SMAD5: variants seen among roughly 807,000 people sequenced by gnomAD.
SMAD5 encodes MAD, mothers against decapentaplegic homolog 5.
In SMAD5, 9 loss-of-function variants were observed where a neutral mutation model predicts 43.1. The observed-to-expected ratio is 0.21, with a 90% CI of 0.13 to 0.36. The LOEUF is 0.36. SMAD5 is among the 10% of genes least tolerant of loss of function. The pLI is 1.00. For synonymous variants in SMAD5, 190 were observed against 192.4 expected (o/e 0.99, Z 0.10); for missense variants, 348 against 574.0 (o/e 0.61, Z 4.02).
At chr5:136,144,049 G>T (rs939645603) in intron 1 of SMAD5, among the ~76,000 whole-genome samples, 33 of 151,968 alleles carry the variant, frequency 2.2e-4, no homozygotes, top group African/African-American at 8.0e-4. Context: ...AGCAGATAAT[G>T]GGTTCATTAT....
chr5:136,181,986 C>T lies in SMAD5; in HGVS notation c.*4506C>T, dbSNP rs946709393. On this transcript the variant is annotated 3_prime_UTR_variant, in exon 8 of 8. Transcript: ENST00000545279. ...GATCCAGTCCTAGAGCAGGATTCTT[C>T]GATCATTCATGGCAGAGTGAAAAAG... The T allele has an allele frequency of 8.5e-5, 13 of 152,154 alleles. No individual in the cohort carries two copies. Among genetic ancestry groups the T allele is most frequent in the African/African-American group, 2.7e-4 (11 of 41,442 alleles). 9.4% of individuals were successfully genotyped at this position (152,154 alleles called of 1,614,324 possible).
chr5:136,180,366 C>T lies in SMAD5; in HGVS notation c.*2886C>T, dbSNP rs1754584716. ...AGCATGTACAATATATTTATGCTGGCTGAAAAGACAGAATCTGGGAATAAT... is the reference window on the plus strand; with the variant it reads ...AGCATGTACAATATATTTATGCTGGTTGAAAAGACAGAATCTGGGAATAAT... On this transcript the variant is annotated 3_prime_UTR_variant, in exon 8 of 8. Coordinates refer to ENST00000545279, the MANE Select transcript of SMAD5 (RefSeq NM_005903.7). 6.6e-6 allele frequency: 1 copy of T among 152,068 alleles called. No homozygotes were observed. Among genetic ancestry groups the T allele is most frequent in the South Asian group, 2.1e-4 (1 of 4,814 alleles). 9.4% of individuals were successfully genotyped at this position (152,068 alleles called of 1,614,324 possible). A position where few individuals can be genotyped will look rare whatever the true frequency, so the allele number is the denominator to read the frequency against.
At chr5:136,144,120 A>T (rs1171263737) in intron 1 of SMAD5, among the ~76,000 whole-genome samples, 1 of 152,068 alleles carries the variant, frequency 6.6e-6, no homozygotes, top group Non-Finnish European at 1.5e-5. Flanking sequence ...GGCAGTTTTG[A>T]TGAAAATTGA....
At chr5:136,158,561 T>C (rs1753717553) in intron 3 of SMAD5, among the ~76,000 whole-genome samples, 1 of 152,158 alleles carries the variant, frequency 6.6e-6, no homozygotes, top group Non-Finnish European at 1.5e-5. Context: ...GACTTCAGAC[T>C]TGTAGGAGAC....
At chr5:136,150,639 T>A (rs987974688) in intron 2 of SMAD5, among the ~76,000 whole-genome samples, 8 of 151,980 alleles carry the variant, frequency 5.3e-5, no homozygotes, top group Admixed American at 1.3e-4. Context: ...CTAAGATTTC[T>A]CTTGGAAGAC....
At chr5:136,141,903 A>G (rs960458985) in intron 1 of SMAD5, among the ~76,000 whole-genome samples, 1 of 152,180 alleles carries the variant, frequency 6.6e-6, no homozygotes, top group African/African-American at 2.4e-5. Flanking sequence ...TCCTCTCTTT[A>G]GTAAGGGTTC....
rs1046605956 is a variant in SMAD5, at chr5:136,181,272, CTT to C, written c.*3793_*3794del. 1.3e-5 allele frequency: 2 copies of C among 152,038 alleles called. No homozygotes were observed. The highest frequency in any genetic ancestry group is 2.9e-5 in the Non-Finnish European group (2 of 67,976). 9.4% of individuals were successfully genotyped at this position (152,038 alleles called of 1,614,324 possible). A position where few individuals can be genotyped will look rare whatever the true frequency, so the allele number is the denominator to read the frequency against. ...TACTGAGTTCAGCCTTTTGTGATGA[CTT>C]ATATTTTGGACTTACATTTTAACTT... is the stretch of plus-strand genomic sequence containing the variant. On this transcript the variant is annotated 3_prime_UTR_variant, in exon 8 of 8. Coordinates refer to ENST00000545279, the MANE Select transcript of SMAD5 (RefSeq NM_005903.7).
chr5:136,162,852 A>C (rs1753869374), intron 4 of SMAD5, among the ~76,000 whole-genome samples: 1 of 152,234 alleles, frequency 6.6e-6, no homozygotes, highest in East Asian at 1.9e-4. Flanking sequence ...TTTAAATGAC[A>C]GTATACAGTA....
At position 136,176,609 on chromosome 5, in the gene SMAD5, G is replaced by A. The variant is rs2149782742; in HGVS notation, c.1255-728G>A. On this transcript the variant is annotated intron_variant, in intron 7 of 7. Coordinates refer to ENST00000545279, the MANE Select transcript of SMAD5 (RefSeq NM_005903.7). ...TTACATTTTTTAGTGGTTTCTCCAG[G>A]AATTACCACGTTATCTTTAACATAC... Among the ~76,000 whole-genome samples the A allele has an allele frequency of 2.0e-5, 3 of 151,530 alleles. No homozygotes were observed. The Middle Eastern group carries it at 0.01, about 515-fold the overall frequency.
At chr5:136,149,725 C>G (rs763466821) in intron 2 of SMAD5, among the ~76,000 whole-genome samples, 1 of 151,752 alleles carries the variant, frequency 6.6e-6, no homozygotes, top group Admixed American at 6.6e-5. Flanking sequence ...AACAAGTACT[C>G]GGGTAGCTTG....
intron 1 of SMAD5, among the ~76,000 whole-genome samples, chr5:136,143,939 T>G (rs1753177265): frequency 2.0e-5 from 3 of 152,070 alleles, no homozygotes; most frequent in Non-Finnish European, 2.9e-5. Flanking sequence ...CTTTTCACTT[T>G]TTTCTTCTTC....
Position 136,177,324 on chromosome 5 carries a change from T to C in SMAD5, c.1255-13T>C, listed in dbSNP as rs376322093. On this transcript the variant is annotated splice_polypyrimidine_tract_variant and intron_variant, in intron 7 of 7. Transcript: ENST00000545279. ...AAAGAGGGATTTGTGATGATATCTGTTCATTTTCATAGGGTTGGGGAGCAG... is the reference window on the plus strand; with the variant it reads ...AAAGAGGGATTTGTGATGATATCTGCTCATTTTCATAGGGTTGGGGAGCAG... The C allele has an allele frequency of 6.2e-6, 10 of 1,613,030 alleles. No individual in the cohort carries two copies. The African/African-American group carries it at 1.3e-4, about 22-fold the overall frequency.
At chr5:136,159,293 A>G (rs1440799319) in intron 3 of SMAD5, among the ~76,000 whole-genome samples, 1 of 152,220 alleles carries the variant, frequency 6.6e-6, no homozygotes, top group Non-Finnish European at 1.5e-5. Context: ...ATAGCAATAT[A>G]AGCATATTAT....
chr5:136,138,304 G>A (rs1303498335), intron 1 of SMAD5, among the ~76,000 whole-genome samples: 1 of 152,210 alleles, frequency 6.6e-6, no homozygotes. Context: ...GCTCCTGAAG[G>A]GCTTTGAAAT....
chr5:136,148,253 T>TG (rs1753330573), intron 2 of SMAD5, among the ~76,000 whole-genome samples: 2 of 128,352 alleles, frequency 1.6e-5, no homozygotes, highest in African/African-American at 6.9e-5. Flanking sequence ...AGCTTTAAGT[T>TG]GTTCTTTTTT....
At chr5:136,162,784 G>A (rs1669343243) in intron 4 of SMAD5, among the ~76,000 whole-genome samples, 3 of 152,178 alleles carry the variant, frequency 2.0e-5, no homozygotes, top group South Asian at 4.1e-4. Flanking sequence ...ACAAGCGTTA[G>A]ACAATTGCTG....
Position 136,153,955 on chromosome 5 carries a change from T to C in SMAD5, c.195T>C (p.Cys65=). The part of the protein sequence containing the change: ...ALSSPGQPSK[C]VTIPRSLDGR... ...GCAGTCCAGGACAGCCGAGTAAATG[T>C]GTCACTATTCCCAGATCTTTAGATG... The change falls in exon 3 of 8, where the codon TGT becomes TGC. Residue 65 remains cysteine (C), a synonymous_variant. Transcript: ENST00000545279. 6.2e-7 allele frequency: 1 copy of C among 1,612,152 alleles called. No individual in the cohort carries two copies. Among genetic ancestry groups the C allele is most frequent in the South Asian group, 1.1e-5 (1 of 90,726 alleles).
chr5:136,169,211 G>A (rs1365267729), intron 5 of SMAD5, among the ~76,000 whole-genome samples: 1 of 152,170 alleles, frequency 6.6e-6, no homozygotes, highest in African/African-American at 2.4e-5. Flanking sequence ...TTGAGGACAG[G>A]AAGCATCCAG....
At chr5:136,172,260 T>G (rs2149780348) in intron 5 of SMAD5, among the ~76,000 whole-genome samples, 174 bp from the exon 6 acceptor site, 1 of 152,328 alleles carries the variant, frequency 6.6e-6, no homozygotes, top group South Asian at 2.1e-4. Context: ...TCAAGCTGAT[T>G]TCTAGTGCTT....
Sources: allele counts gnomAD v4.1 joint callset (sites outside exome capture counted in the v4.1 genomes callset), GRCh38; gene constraint gnomAD v4.1.1; transcripts MANE v1.5; gene names NCBI Gene and HGNC (gene_info 2026-07-23, HGNC 2026-07-21).